Variants in KLHL32 observed in about 807,000 individuals in gnomAD.
The protein encoded by KLHL32 is kelch-like protein 32.
Under a neutral mutation model 64.8 loss-of-function variants are expected in KLHL32, and 35 were observed. The ratio of observed to expected loss-of-function variants is 0.54; its 90% CI spans 0.41 to 0.72. The LOEUF (loss-of-function observed/expected upper bound fraction) is 0.72, where lower values mean the gene tolerates loss of function less well. KLHL32 is among the 30% of genes least tolerant of loss of function. KLHL32 has a pLI of 0.00. For missense variants in KLHL32, 589 were observed against 768.5 expected, an observed-to-expected ratio of 0.77 and a Z score of 2.76; for synonymous variants, 259 against 281.0, an observed-to-expected ratio of 0.92 and a Z score of 0.78.
intron 3 of KLHL32, among the ~76,000 whole-genome samples, chr6:97,005,017 C>T (rs566777246): frequency 1.3e-5 from 2 of 152,106 alleles, no homozygotes; most frequent in African/African-American, 4.8e-5. Context: ...GGGAAGAGTA[C>T]ATCCTCCCCA....
chr6:97,106,062 T>G (rs546796903), intron 6 of KLHL32, among the ~76,000 whole-genome samples: 1 of 152,196 alleles, frequency 6.6e-6, no homozygotes, highest in Non-Finnish European at 1.5e-5. Flanking sequence ...ATACAAGCAG[T>G]TGGAATTCAA....
At chr6:96,924,260 C>G (rs1031718454), upstream of KLHL32, among the ~76,000 whole-genome samples, 9 of 152,154 alleles carry the variant, frequency 5.9e-5, 1 homozygote, top group Admixed American at 5.9e-4. Flanking sequence ...GCCACGGGGT[C>G]TGTTTGCTCA....
intron 3 of KLHL32, among the ~76,000 whole-genome samples, chr6:97,019,946 A>ATTTTTTT (rs59828741): frequency 8.7e-5 from 10 of 115,090 alleles, no homozygotes; most frequent in African/African-American, 3.4e-4. Context: ...CTCCCGGCGA[A>ATTTTTTT]TTTTTTTTTT....
intron 5 of KLHL32, 39 bp from the exon 6 acceptor site, chr6:97,085,087 C>T: frequency 6.4e-7 from 1 of 1,561,674 alleles, no homozygotes; most frequent in South Asian, 1.1e-5. Flanking sequence ...GGATTTATTT[C>T]TAAGAGATCT....
At chr6:96,973,730 C>CTTTTTTTT (rs558193523) in intron 2 of KLHL32, among the ~76,000 whole-genome samples, 8 of 118,256 alleles carry the variant, frequency 6.8e-5, no homozygotes, top group African/African-American at 2.3e-4. Flanking sequence ...TACAGATTGC[C>CTTTTTTTT]TTTTTTTTTT....
chr6:97,132,582 T>G, intron 9 of KLHL32, 71 bp from the exon 10 acceptor site: 1 of 1,191,778 alleles, frequency 8.4e-7, no homozygotes, highest in Non-Finnish European at 1.2e-6. Context: ...TATCCCTCAG[T>G]GGCAAAAGGG....
intron 7 of KLHL32, 44 bp from the exon 8 acceptor site, chr6:97,127,359 AT>A (rs955211985): frequency 1.3e-6 from 2 of 1,485,770 alleles, no homozygotes; most frequent in Non-Finnish European, 9.4e-7. Context: ...GGAATATCCT[AT>A]TTTTTATTCA....
At chr6:96,985,874 G>A (rs548201770) in intron 3 of KLHL32, among the ~76,000 whole-genome samples, 166 of 152,216 alleles carry the variant, frequency 1.1e-3, no homozygotes, top group Non-Finnish European at 2.1e-3. Flanking sequence ...GTCTCAACTC[G>A]TCAAAGTCAT....
intron 3 of KLHL32, among the ~76,000 whole-genome samples, chr6:97,007,531 G>A (rs946250467): frequency 9.2e-5 from 14 of 152,190 alleles, no homozygotes; most frequent in Admixed American, 5.2e-4. Context: ...ACAAACTAGC[G>A]TGGCTGGTTG....
At chr6:97,013,612 T>C (rs1359421295) in intron 3 of KLHL32, among the ~76,000 whole-genome samples, 1 of 152,186 alleles carries the variant, frequency 6.6e-6, no homozygotes, top group Non-Finnish European at 1.5e-5. Context: ...AGTTAAGGCA[T>C]TTTGATTCCA....
chr6:97,122,854 A>G (rs1317880671), intron 7 of KLHL32, among the ~76,000 whole-genome samples: 1 of 152,228 alleles, frequency 6.6e-6, no homozygotes, highest in African/African-American at 2.4e-5. Context: ...TGTTAATGCC[A>G]CAGCCTGTCC....
At chr6:96,953,501 A>G (rs1423013533) in intron 1 of KLHL32, among the ~76,000 whole-genome samples, 14 of 152,090 alleles carry the variant, frequency 9.2e-5, no homozygotes, top group Admixed American at 8.5e-4. Context: ...GTGGTGGCAC[A>G]TAACTGTAAT....
rs766898958 is a variant in KLHL32, at chr6:97,114,258, C to G, written c.1103C>G (p.Ala368Gly). 1 of 1,613,994 alleles carries G rather than the reference C, an allele frequency of 6.2e-7. No individual in the cohort carries two copies. Among genetic ancestry groups the G allele is most frequent in the African/African-American group, 1.3e-5 (1 of 74,898 alleles). ...ASGRTCAVRT[A>G]CRYDPRSNSW... is the part of the protein sequence containing the mutation. ...GGCCGGACGTGTGCTGTGAGGACTG[C>G]CTGTCGCTATGACCCCCGCAGTAAT... The change falls in exon 7 of 11, where the codon GCC becomes GGC. Residue 368 changes from alanine to glycine, a missense_variant. Physicochemically the swap from Ala to Gly is moderately conservative, Grantham distance 60. Around this residue, in one of 3 missense-constraint regions of KLHL32, gnomAD observed 226 missense variants for 353.2 expected, o/e 0.64. Transcript: ENST00000369261.
At chr6:96,962,895 G>A (rs1263297903) in intron 1 of KLHL32, among the ~76,000 whole-genome samples, 1 of 152,152 alleles carries the variant, frequency 6.6e-6, no homozygotes, top group Non-Finnish European at 1.5e-5. Flanking sequence ...TTGCAAGCTG[G>A]ATTTATTTGG....
intron 6 of KLHL32, among the ~76,000 whole-genome samples, chr6:97,103,608 T>C (rs1056197352): frequency 1.3e-5 from 2 of 152,236 alleles, no homozygotes; most frequent in African/African-American, 2.4e-5. Flanking sequence ...TTACAAGAGA[T>C]GGTATTATTA....
At chr6:96,990,109 G>A (rs1411032704) in intron 3 of KLHL32, among the ~76,000 whole-genome samples, 2 of 152,138 alleles carry the variant, frequency 1.3e-5, no homozygotes, top group South Asian at 2.1e-4. Context: ...ATTTCAGCCT[G>A]GTTAAGAACA....
intron 10 of KLHL32, among the ~76,000 whole-genome samples, chr6:97,133,231 G>A (rs1799631793): frequency 6.6e-6 from 1 of 152,204 alleles, no homozygotes; most frequent in Non-Finnish European, 1.5e-5. Flanking sequence ...GACAGCCTCT[G>A]TCCCAAAGAA....
Position 97,132,692 on chromosome 6 carries a change from T to C in KLHL32, c.1646T>C (p.Ile549Thr). ...GGAGTTGCTGTCCATAATGGGAGAA[T>C]ATATTTAGTTGGTGGATATTCAATT... ...ESGVAVHNGR[I>T]YLVGGYSIWT... The change falls in exon 10 of 11, where the codon ATA becomes ACA. Residue 549 changes from isoleucine (I) to threonine (T), a missense_variant. Around this residue, in one of 3 missense-constraint regions of KLHL32, gnomAD observed 172 missense variants for 192.0 expected, o/e 0.90. Transcript: ENST00000369261. The C allele has an allele frequency of 6.2e-7, 1 of 1,613,248 alleles. No homozygotes were observed. Among genetic ancestry groups the C allele is most frequent in the Non-Finnish European group, 8.5e-7 (1 of 1,179,498 alleles).
chr6:97,044,346 C>A (rs1267778485), intron 4 of KLHL32, among the ~76,000 whole-genome samples: 2 of 152,002 alleles, frequency 1.3e-5, no homozygotes, highest in Admixed American at 6.6e-5. Flanking sequence ...AGGGATAAAT[C>A]TCCCTTGATC....
Sources: gnomAD v4.1 joint callset for allele counts (sites outside exome capture counted in the v4.1 genomes callset) on GRCh38, gnomAD v4.1.1 for gene constraint, gnomAD v4.1.1 regional missense constraint, MANE v1.5 for transcripts, NCBI Gene and HGNC (gene_info 2026-07-23, HGNC 2026-07-21) for gene names.